The following HOOK1 variants were observed in gnomAD, a reference collection of about 807,000 sequenced individuals.
HOOK1 encodes protein Hook homolog 1.
HOOK1 carries 60 observed loss-of-function variants against 112.8 expected under a neutral mutation model. That is an observed-to-expected ratio of 0.53 (90% confidence interval 0.43 to 0.66). The LOEUF (loss-of-function observed/expected upper bound fraction) is 0.66. Ranked by LOEUF, HOOK1 falls within the 30% of genes least tolerant of loss-of-function variation. The probability of loss-of-function intolerance (pLI) is 0.00; values close to 1 mark genes in which losing one functional copy is unlikely to be tolerated. For synonymous variants in HOOK1, 294 were observed against 283.8 expected (o/e 1.04, Z -0.36); for missense variants, 770 against 856.0 (o/e 0.90, Z 1.25).
At chr1:59,840,746 G>A (rs951480029) in intron 8 of HOOK1, among the ~76,000 whole-genome samples, 2 of 152,038 alleles carry the variant, frequency 1.3e-5, no homozygotes, top group African/African-American at 4.8e-5. Flanking sequence ...GAAGTATTAA[G>A]TGGTACCTGA....
chr1:59,841,931 C>T (rs1390409381), intron 8 of HOOK1, among the ~76,000 whole-genome samples: 1 of 152,076 alleles, frequency 6.6e-6, no homozygotes, highest in Non-Finnish European at 1.5e-5. Flanking sequence ...ATGCCTGGAA[C>T]CACCACCCAG....
At chr1:59,836,974 T>C (rs2098398158) in intron 7 of HOOK1, 39 bp downstream of exon 7, 8 of 1,299,778 alleles carry the variant, frequency 6.2e-6, no homozygotes, top group Non-Finnish European at 8.8e-6. Flanking sequence ...TTGAAAGCAA[T>C]GTTAGGGTTT....
At chr1:59,855,782 A>AT (rs898827592) in intron 12 of HOOK1, among the ~76,000 whole-genome samples, 38 of 146,936 alleles carry the variant, frequency 2.6e-4, no homozygotes, top group African/African-American at 8.3e-4. Flanking sequence ...ATTTTATTTT[A>AT]TTTTTTTTGA....
chr1:59,832,775 T>C (rs1001657263), intron 4 of HOOK1, among the ~76,000 whole-genome samples: 1 of 152,096 alleles, frequency 6.6e-6, no homozygotes, highest in African/African-American at 2.4e-5. Context: ...GACTTTTCCA[T>C]TAAAGAATTT....
Position 59,868,243 on chromosome 1 carries a change from TAAACA to T in HOOK1, c.1846-6_1846-2del. ...AAAGTGAACATAGTATTTTTTTCTTTAAACAGGTAATAAAAACTTTGGATCCCAAG... is the reference window on the plus strand; with the variant it reads ...AAAGTGAACATAGTATTTTTTTCTTTGGTAATAAAAACTTTGGATCCCAAG... On this transcript the variant is annotated splice_acceptor_variant and splice_polypyrimidine_tract_variant and intron_variant, in intron 19 of 21. Coordinates refer to ENST00000371208, the MANE Select transcript of HOOK1 (RefSeq NM_015888.6). LOFTEE classifies it high-confidence loss of function. 6.7e-7 allele frequency: 1 copy of T among 1,498,880 alleles called. No homozygotes were observed. The highest frequency in any genetic ancestry group is 1.7e-5 in the Admixed American group (1 of 58,290). The allele number at this position is 1,498,880 out of a possible 1,614,324, so 92.8% of individuals were successfully genotyped here.
chr1:59,831,032 C>T (rs1330857343), intron 3 of HOOK1, among the ~76,000 whole-genome samples: 3 of 151,860 alleles, frequency 2.0e-5, no homozygotes, highest in Non-Finnish European at 2.9e-5. Context: ...TCCCGAGTAG[C>T]TGGGATTACA....
At chr1:59,837,915 A>G (rs137936113) in intron 7 of HOOK1, among the ~76,000 whole-genome samples, 14,681 of 151,666 alleles carry the variant, frequency 0.097, 734 homozygotes, top group African/African-American at 0.13. Flanking sequence ...TTATTGTTCA[A>G]CTCCCACTTA....
rs775818338 is a variant in HOOK1 at position 59,847,084 on chromosome 1, A to G, written c.828A>G (p.Glu276=). Residue 276 remains glutamate (E), a synonymous_variant, in exon 10 of 22, where the codon GAA becomes GAG. Coordinates refer to ENST00000371208, the MANE Select transcript of HOOK1 (RefSeq NM_015888.6). ...AAGATGATTACCGTGTTCACTGTGA[A>G]GAACTTGAAAAGCAGCTAATCGAAT... ...AAKDDYRVHC[E]ELEKQLIEFQ... 2 of 1,609,700 alleles carry G rather than the reference A, an allele frequency of 1.2e-6. No homozygotes were observed. The highest frequency in any genetic ancestry group is 3.4e-5 in the Admixed American group (2 of 59,460).
At chr1:59,855,205 G>A (rs769794035) in intron 12 of HOOK1, among the ~76,000 whole-genome samples, 1 of 152,132 alleles carries the variant, frequency 6.6e-6, no homozygotes, top group Non-Finnish European at 1.5e-5. Context: ...CATGCCATGG[G>A]GATTCATCGT....
chr1:59,847,312 C>A, intron 10 of HOOK1, 127 bp downstream of exon 10: 1 of 799,320 alleles, frequency 1.3e-6, no homozygotes, highest in Non-Finnish European at 1.9e-6. Flanking sequence ...AGTTTTTAAT[C>A]CAGGCTGATA....
In HOOK1 at chr1:59,848,416, A is replaced by C. The variant is rs1192296495; in HGVS notation, c.1031A>C (p.Gln344Pro). ...NDLRKQVKTL[Q>P]ETNMMYMHNT... ...CTTCGCAAGCAGGTGAAAACTTTAC[A>C]GGAAACCAACATGATGTATATGCAT... The change falls in exon 11 of 22, where the codon CAG (glutamine) becomes CCG (proline). Residue 344 changes from glutamine to proline, a missense_variant. By Grantham distance (76) the Gln-to-Pro change is moderately conservative. Transcript: ENST00000371208. The C allele has an allele frequency of 1.2e-6, 2 of 1,611,282 alleles. No homozygotes were observed. Among genetic ancestry groups the C allele is most frequent in the Admixed American group, 3.3e-5 (2 of 59,834 alleles).
At chr1:59,846,587 C>CCTCCCTCCT (rs2098404118) in intron 9 of HOOK1, among the ~76,000 whole-genome samples, 1 of 117,128 alleles carries the variant, frequency 8.5e-6, no homozygotes, top group Non-Finnish European at 1.8e-5. Context: ...TCCTTCCTTC[C>CCTCCCTCCT]TCCCTCCTCC....
rs1351285029 is a variant in HOOK1, at chr1:59,859,013, T to G, written c.1359T>G (p.Asn453Lys). The change falls in exon 14 of 22, where the codon AAT becomes AAG. Residue 453 changes from asparagine to lysine, a missense_variant. Transcript: ENST00000371208. Reference sequence around the variant, plus strand: ...CATCTGCTACAAAAAGTTATGAGAATCTTGCTGCTGAGATTATGCCAGTGG... The same window carrying G: ...CATCTGCTACAAAAAGTTATGAGAAGCTTGCTGCTGAGATTATGCCAGTGG... The part of the protein sequence containing the change: ...TDASATKSYE[N>K]LAAEIMPVEY... 6.4e-7 allele frequency: 1 copy of G among 1,574,334 alleles called. No individual in the cohort carries two copies. The highest frequency in any genetic ancestry group is 8.7e-7 in the Non-Finnish European group (1 of 1,148,666).
chr1:59,829,955 C>T (rs896448427), intron 3 of HOOK1, among the ~76,000 whole-genome samples: 1 of 152,024 alleles, frequency 6.6e-6, no homozygotes, highest in East Asian at 1.9e-4. Flanking sequence ...AAAGTTTTCT[C>T]CTTTGACCTA....
chr1:59,823,872 A>G (rs1156387391), intron 2 of HOOK1, among the ~76,000 whole-genome samples: 2 of 152,240 alleles, frequency 1.3e-5, no homozygotes, highest in African/African-American at 2.4e-5. Flanking sequence ...ACAATAAAAT[A>G]GTCAATCAGA....
At position 59,865,282 on chromosome 1, in the gene HOOK1, T is replaced by C. The variant is rs571497215; in HGVS notation, c.1744+37T>C. The stretch of plus-strand genomic sequence containing the variant: ...TGAAAACTTGGATCAGACAACAGTA[T>C]ATCTAAGGACTTACCCTTTTTTATT... On this transcript the variant is annotated intron_variant, in intron 18 of 21. Coordinates refer to ENST00000371208, the MANE Select transcript of HOOK1 (RefSeq NM_015888.6). The C allele has an allele frequency of 4.5e-5, 57 of 1,270,720 alleles. No homozygotes were observed. The South Asian group carries it at 4.9e-4, about 11-fold the overall frequency. 78.7% of individuals were successfully genotyped at this position (1,270,720 alleles called of 1,614,324 possible).
In HOOK1 at chr1:59,824,497, C is replaced by T. The variant is rs150369493; in HGVS notation, c.149+2554C>T. Among the ~76,000 whole-genome samples the T allele has an allele frequency of 4.3e-3, 650 of 152,244 alleles. 2 individuals are homozygous for T. Among genetic ancestry groups the T allele is most frequent in the Non-Finnish European group, 6.2e-3 (421 of 68,026 alleles). On this transcript the variant is annotated intron_variant, in intron 2 of 21. Transcript: ENST00000371208. ...CTGGGATTACAGGCGTGAGCCACCG[C>T]GCCCAGCTCAAATATGTTATAATTT... is the stretch of plus-strand genomic sequence containing the variant.
In HOOK1 at chr1:59,858,966, AT is replaced by A; in HGVS notation, c.1331-13del. On this transcript the variant is annotated intron_variant, in intron 13 of 21. Coordinates refer to ENST00000371208, the MANE Select transcript of HOOK1 (RefSeq NM_015888.6). The stretch of plus-strand genomic sequence containing the variant: ...AGTTGAAATACTGAAATGCTAATTT[AT>A]TTTTTGTTATTTTTTAGATGCATCT... 2.1e-6 allele frequency: 3 copies of A among 1,461,312 alleles called. No individual in the cohort carries two copies. The highest frequency in any genetic ancestry group is 2.9e-6 in the Non-Finnish European group (3 of 1,045,130). 90.5% of individuals were successfully genotyped at this position (1,461,312 alleles called of 1,614,324 possible). A position where few individuals can be genotyped will look rare whatever the true frequency, so the allele number is the denominator to read the frequency against.
chr1:59,871,116 C>G lies in HOOK1; in HGVS notation c.2016+6C>G, dbSNP rs762502523. On this transcript the variant is annotated splice_donor_region_variant and intron_variant, in intron 21 of 21. Transcript: ENST00000371208. ...TTTCTGCGTGGTATAATAAGGTGAG[C>G]TGAAGTTCAGCAAATGATTGGATGA... 2.9e-5 allele frequency: 46 copies of G among 1,602,418 alleles called. No individual in the cohort carries two copies. The highest frequency in any genetic ancestry group is 3.3e-5 in the South Asian group (3 of 90,176).
Sources: gnomAD v4.1 joint callset for allele counts (sites outside exome capture counted in the v4.1 genomes callset) on GRCh38, gnomAD v4.1.1 for gene constraint, MANE v1.5 for transcripts, NCBI Gene and HGNC (gene_info 2026-07-23, HGNC 2026-07-21) for gene names.